PRKAR1A: variants seen among roughly 807,000 people sequenced by gnomAD.
The protein encoded by PRKAR1A is protein kinase cAMP-dependent type I regulatory subunit alpha.
A neutral mutation model predicts 52.0 loss-of-function variants in PRKAR1A; 3 were observed. The observed-to-expected ratio is 0.06, with a 90% CI of 0.03 to 0.15. PRKAR1A has a LOEUF of 0.15. PRKAR1A is among the 10% of genes least tolerant of loss of function. The pLI, the probability that PRKAR1A is intolerant of heterozygous loss-of-function variation, is 1.00. For missense variants in PRKAR1A, 240 were observed against 477.4 expected (o/e 0.50, Z 4.63); for synonymous variants, 188 against 168.4 (o/e 1.12, Z -0.90).
the PRKAR1A span, among the ~76,000 whole-genome samples, chr17:68,482,598 G>A: frequency 2.3e-4 from 35 of 152,026 alleles, no homozygotes; most frequent in Non-Finnish European, 4.4e-4. Context: ...TTCACTCTGG[G>A]GCAATAACCC....
the PRKAR1A span, among the ~76,000 whole-genome samples, chr17:68,452,069 G>A: frequency 3.3e-5 from 5 of 152,082 alleles, no homozygotes; most frequent in African/African-American, 7.2e-5. Context: ...TATATTGTTC[G>A]CTATTATGAT....
the PRKAR1A span, among the ~76,000 whole-genome samples, chr17:68,498,673 G>A: frequency 6.6e-6 from 1 of 152,208 alleles, no homozygotes; most frequent in African/African-American, 2.4e-5. Flanking sequence ...CTCAGTTCTT[G>A]GAAACCTGGC....
the PRKAR1A span, chr17:68,457,456 C>T: frequency 6.8e-7 from 1 of 1,462,614 alleles, no homozygotes; most frequent in Non-Finnish European, 9.0e-7. Flanking sequence ...AGCTCGGAGC[C>T]GGCGACAGCC....
chr17:68,454,338 T>C, the PRKAR1A span, among the ~76,000 whole-genome samples: 2 of 152,164 alleles, frequency 1.3e-5, no homozygotes, highest in South Asian at 4.1e-4. Flanking sequence ...ATAAGCAACT[T>C]ACTATTACAA....
At chr17:68,500,356 G>A in the PRKAR1A span, among the ~76,000 whole-genome samples, 1 of 152,078 alleles carries the variant, frequency 6.6e-6, no homozygotes, top group Admixed American at 6.6e-5. Flanking sequence ...GTTTTATAAG[G>A]GGAAACCCCT....
intron 11 of PRKAR1A, among the ~76,000 whole-genome samples, chr17:68,545,296 C>G (rs1328338886): frequency 6.6e-6 from 1 of 152,196 alleles, no homozygotes; most frequent in African/African-American, 2.4e-5. Flanking sequence ...CTAGTTGGAA[C>G]AATTTTTGTA....
chr17:68,426,047 C>T, the PRKAR1A span: 152 of 1,596,166 alleles, frequency 9.5e-5, 1 homozygote, highest in African/African-American at 8.4e-4. Context: ...CAGACTGAGC[C>T]GCCCAGTTAC....
At chr17:68,503,973 C>T in the PRKAR1A span, among the ~76,000 whole-genome samples, 1 of 152,168 alleles carries the variant, frequency 6.6e-6, no homozygotes, top group East Asian at 1.9e-4. Flanking sequence ...CTAGGAAGAA[C>T]AGTTTGGAGG....
At chr17:68,413,724 CT>C in the PRKAR1A span, 1 of 160,122 alleles carries the variant, frequency 6.2e-6, no homozygotes, top group Non-Finnish European at 1.4e-5. Flanking sequence ...TCGCTGCCGC[CT>C]TGCAGTTTGA....
At chr17:68,452,100 C>G in the PRKAR1A span, among the ~76,000 whole-genome samples, 8 of 152,140 alleles carry the variant, frequency 5.3e-5, no homozygotes, top group African/African-American at 1.9e-4. Flanking sequence ...ATCACCCTGA[C>G]AAAATAAGGA....
At chr17:68,433,487 G>T in the PRKAR1A span, 1 of 1,614,086 alleles carries the variant, frequency 6.2e-7, no homozygotes, top group Non-Finnish European at 8.5e-7. Flanking sequence ...ACCTGTTCCA[G>T]CTTGAAGATG....
intron 11 of PRKAR1A, chr17:68,540,704 G>C (rs1170134186): frequency 9.8e-7 from 1 of 1,016,630 alleles, no homozygotes; most frequent in African/African-American, 1.6e-5. Context: ...TGTCCTCTGG[G>C]ACCTCCGCCA....
the PRKAR1A span, among the ~76,000 whole-genome samples, chr17:68,491,729 G>T: frequency 6.6e-6 from 1 of 152,058 alleles, no homozygotes; most frequent in South Asian, 2.1e-4. Flanking sequence ...GGGGCTTGGA[G>T]TAAGAACTCA....
chr17:68,527,628 G>A (rs2085831661), intron 7 of PRKAR1A: 1 of 521,884 alleles, frequency 1.9e-6, no homozygotes, highest in South Asian at 2.1e-5. Flanking sequence ...GCATAATATT[G>A]GCGGAAAATA....
chr17:68,458,667 T>G, the PRKAR1A span, among the ~76,000 whole-genome samples: 3 of 152,242 alleles, frequency 2.0e-5, no homozygotes, highest in African/African-American at 7.2e-5. Context: ...AAAGAATCTC[T>G]TTTTAAAAGC....
At chr17:68,420,634 C>T in the PRKAR1A span, 4 of 773,600 alleles carry the variant, frequency 5.2e-6, no homozygotes, top group African/African-American at 3.5e-5. Context: ...CACGCCGACC[C>T]GAGAGCAGCT....
the PRKAR1A span, among the ~76,000 whole-genome samples, chr17:68,495,787 T>A: frequency 6.6e-6 from 1 of 151,384 alleles, no homozygotes; most frequent in Non-Finnish European, 1.5e-5. Flanking sequence ...ACCTTAGAAA[T>A]CCTAAATGGG....
chr17:68,501,223 G>GCTTCC, the PRKAR1A span, among the ~76,000 whole-genome samples: 1 of 152,178 alleles, frequency 6.6e-6, no homozygotes, highest in African/African-American at 2.4e-5. Flanking sequence ...CAGAACACTT[G>GCTTCC]CTTCCCTTGG....
chr17:68,425,994 G>T, the PRKAR1A span: 1 of 1,064,656 alleles, frequency 9.4e-7, no homozygotes, highest in South Asian at 1.3e-5. Context: ...CAGGGAAAGG[G>T]ACTCTGCCTC....
Sources: allele counts gnomAD v4.1 joint callset (sites outside exome capture counted in the v4.1 genomes callset), GRCh38; gene constraint gnomAD v4.1.1; transcripts MANE v1.5; gene names NCBI Gene and HGNC (gene_info 2026-07-23, HGNC 2026-07-21).